The following COL19A1 variants were observed in gnomAD, a reference collection of about 807,000 sequenced individuals.
The protein encoded by COL19A1 is collagen alpha-1(XIX) chain.
In COL19A1, 159 loss-of-function variants were observed where a neutral mutation model predicts 190.2. The observed-to-expected ratio is 0.84, with a 90% CI of 0.73 to 0.95. COL19A1 has a LOEUF of 0.95. Ranked by LOEUF, COL19A1 falls within the 40% of genes least tolerant of loss-of-function variation. The probability of loss-of-function intolerance (pLI) is 0.00; values close to 1 mark genes in which losing one functional copy is unlikely to be tolerated. For synonymous variants in COL19A1, 509 were observed against 458.9 expected (o/e 1.11, Z -1.39); for missense variants, 1,418 against 1,431.9 (o/e 0.99, Z 0.16).
intron 48 of COL19A1, among the ~76,000 whole-genome samples, chr6:70,197,262 T>A (rs1767264904): frequency 6.6e-6 from 1 of 150,810 alleles, no homozygotes; most frequent in South Asian, 2.1e-4. Context: ...CTACTAAAGA[T>A]ACAAAAAAAA....
chr6:69,912,517 C>G (rs137905874), intron 4 of COL19A1, among the ~76,000 whole-genome samples: 28 of 152,302 alleles, frequency 1.8e-4, no homozygotes, highest in African/African-American at 5.3e-4. Flanking sequence ...ATTGCCATTG[C>G]TGGGAGCTCT....
At chr6:70,004,665 A>G (rs1385538035) in intron 11 of COL19A1, among the ~76,000 whole-genome samples, 1 of 151,552 alleles carries the variant, frequency 6.6e-6, no homozygotes, top group Non-Finnish European at 1.5e-5. Flanking sequence ...CACAAAGTGT[A>G]ATGCTCTGTG....
chr6:69,883,626 A>C (rs1768712766), intron 2 of COL19A1, among the ~76,000 whole-genome samples: 1 of 152,246 alleles, frequency 6.6e-6, no homozygotes, highest in Non-Finnish European at 1.5e-5. Flanking sequence ...GTGTATAAGT[A>C]ATACAAGAAC....
At chr6:69,942,835 G>A (rs781299590) in intron 9 of COL19A1, among the ~76,000 whole-genome samples, 36 of 151,452 alleles carry the variant, frequency 2.4e-4, no homozygotes, top group Admixed American at 3.3e-4. Context: ...ATGTATTAGC[G>A]ATTGTGAGTA....
chr6:70,171,934 T>C, intron 40 of COL19A1, 30 bp from the exon 41 acceptor site: 1 of 1,608,052 alleles, frequency 6.2e-7, no homozygotes, highest in Non-Finnish European at 8.5e-7. Context: ...TGATTATTGC[T>C]CCTGCATTTC....
chr6:69,898,881 G>T, intron 2 of COL19A1, 67 bp from the exon 3 acceptor site: 1 of 908,210 alleles, frequency 1.1e-6, no homozygotes, highest in South Asian at 1.5e-5. Flanking sequence ...TTAAGTTTCT[G>T]ATTGTACTGT....
At chr6:70,121,212 C>T (rs1784865402) in intron 16 of COL19A1, among the ~76,000 whole-genome samples, 2 of 152,030 alleles carry the variant, frequency 1.3e-5, no homozygotes, top group African/African-American at 4.8e-5. Context: ...CCCTGAAAAA[C>T]CTGGAAAAGT....
At chr6:69,976,600 A>G (rs1362067356) in intron 11 of COL19A1, among the ~76,000 whole-genome samples, 1 of 152,158 alleles carries the variant, frequency 6.6e-6, no homozygotes, top group Non-Finnish European at 1.5e-5. Flanking sequence ...AAGATTCTTT[A>G]GTGAGTCCTG....
At chr6:69,908,507 T>C (rs116789711) in intron 4 of COL19A1, among the ~76,000 whole-genome samples, 2,573 of 152,302 alleles carry the variant, frequency 0.017, 100 homozygotes, top group African/African-American at 0.059. Context: ...CATACTTTTT[T>C]TAAATGGAAA....
chr6:69,969,557 C>T lies in COL19A1; in HGVS notation c.1026+6687C>T, dbSNP rs577802756. ...ATTGAGAAATAAAAATTAAAAATAA[C>T]AATACAACAATAACAAATAATACAA... On this transcript the variant is annotated intron_variant, in intron 11 of 50. Coordinates refer to ENST00000620364, the MANE Select transcript of COL19A1 (RefSeq NM_001858.6). 4.6e-5 allele frequency among the ~76,000 whole-genome samples: 7 copies of T among 152,138 alleles called. 1 individual carries two copies. The South Asian group carries it at 1.5e-3, about 32-fold the overall frequency.
At position 70,211,082 on chromosome 6, in the gene COL19A1, C is replaced by T. The variant is rs1393590996; in HGVS notation, c.*3808C>T. On this transcript the variant is annotated 3_prime_UTR_variant, in exon 51 of 51. Transcript: ENST00000620364. Reference sequence around the variant, plus strand: ...ACAAGAAAAAAGATTTAGCTTATCACAAGAAGCAGACAATTTATAAAACTA... The same window carrying T: ...ACAAGAAAAAAGATTTAGCTTATCATAAGAAGCAGACAATTTATAAAACTA... Among the ~76,000 whole-genome samples, 3 of 152,108 alleles carry T rather than the reference C, an allele frequency of 2.0e-5. No homozygotes were observed. The highest frequency in any genetic ancestry group is 4.4e-5 in the Non-Finnish European group (3 of 67,982).
chr6:70,031,306 A>T (rs776751163), intron 12 of COL19A1, among the ~76,000 whole-genome samples: 20 of 151,926 alleles, frequency 1.3e-4, no homozygotes, highest in Non-Finnish European at 1.9e-4. Flanking sequence ...ATACATAGTG[A>T]TCAAATCAGG....
chr6:70,148,401 T>C (rs540127226), intron 27 of COL19A1, among the ~76,000 whole-genome samples: 165 of 152,244 alleles, frequency 1.1e-3, no homozygotes, highest in African/African-American at 3.5e-3. Flanking sequence ...TAGCAACCTA[T>C]TGTTAAGGAA....
intron 1 of COL19A1, among the ~76,000 whole-genome samples, chr6:69,872,294 T>G (rs959950418): frequency 2.0e-5 from 3 of 152,140 alleles, no homozygotes; most frequent in South Asian, 2.1e-4. Flanking sequence ...GATTGTTACA[T>G]AGTGGAACCT....
intron 14 of COL19A1, among the ~76,000 whole-genome samples, chr6:70,053,207 C>G (rs1050079357): frequency 6.6e-6 from 1 of 152,140 alleles, no homozygotes; most frequent in Non-Finnish European, 1.5e-5. Flanking sequence ...AATATGCACT[C>G]TATATCTGAG....
chr6:69,943,258 G>A (rs910922102), intron 9 of COL19A1, among the ~76,000 whole-genome samples: 2 of 151,938 alleles, frequency 1.3e-5, no homozygotes, highest in South Asian at 2.1e-4. Context: ...GTTTTTGTTT[G>A]TTTGTTGCTG....
At chr6:70,035,864 G>T in intron 13 of COL19A1, 40 bp from the exon 14 acceptor site, 1 of 1,563,288 alleles carries the variant, frequency 6.4e-7, no homozygotes, top group Non-Finnish European at 8.8e-7. Flanking sequence ...GTGCAAAAAG[G>T]GACTAGTGGT....
intron 15 of COL19A1, among the ~76,000 whole-genome samples, chr6:70,089,248 T>C (rs1422660128): frequency 6.6e-6 from 1 of 152,164 alleles, no homozygotes; most frequent in Non-Finnish European, 1.5e-5. Flanking sequence ...AATGTATAGT[T>C]TTTTCTCAGT....
At chr6:70,027,547 T>A (rs1778792387) in intron 12 of COL19A1, among the ~76,000 whole-genome samples, 2 of 130,408 alleles carry the variant, frequency 1.5e-5, no homozygotes, top group Non-Finnish European at 3.1e-5. Context: ...TTTTTCTAAG[T>A]GTATCTTAAC....
Sources: allele counts gnomAD v4.1 joint callset (sites outside exome capture counted in the v4.1 genomes callset), GRCh38; gene constraint gnomAD v4.1.1; transcripts MANE v1.5; gene names NCBI Gene and HGNC (gene_info 2026-07-23, HGNC 2026-07-21).